The following PHACTR3 variants were observed in gnomAD, a reference collection of about 807,000 sequenced individuals.
PHACTR3 encodes the protein protein phosphatase 1, regulatory subunit 123.
In PHACTR3, 16 loss-of-function variants were observed where a neutral mutation model predicts 66.8. That is an observed-to-expected ratio of 0.24 (90% CI 0.16 to 0.36). The LOEUF (loss-of-function observed/expected upper bound fraction) is 0.36, where lower values mean the gene tolerates loss of function less well. PHACTR3 is among the 10% of genes least tolerant of loss of function. The pLI, the probability that PHACTR3 is intolerant of heterozygous loss-of-function variation, is 1.00. For synonymous variants in PHACTR3, 323 were observed against 292.1 expected (o/e 1.11, Z -1.08); for missense variants, 647 against 719.9 (o/e 0.90, Z 1.16).
At chr20:59,697,967 C>T (rs2037360945) in intron 1 of PHACTR3, among the ~76,000 whole-genome samples, 1 of 152,106 alleles carries the variant, frequency 6.6e-6, no homozygotes, top group South Asian at 2.1e-4. Flanking sequence ...TTGGCAATAT[C>T]AAGTAAAATT....
chr20:59,680,880 G>C (rs2146540736), intron 1 of PHACTR3, among the ~76,000 whole-genome samples: 1 of 152,276 alleles, frequency 6.6e-6, no homozygotes, highest in East Asian at 1.9e-4. Context: ...ATCTCTGGGT[G>C]GGCCACTCCC....
intron 1 of PHACTR3, among the ~76,000 whole-genome samples, chr20:59,607,971 T>A (rs979192994): frequency 6.6e-6 from 1 of 152,194 alleles, no homozygotes; most frequent in Non-Finnish European, 1.5e-5. Context: ...GTGTGCCAGC[T>A]CTTGGGATGT....
intron 1 of PHACTR3, among the ~76,000 whole-genome samples, chr20:59,710,317 A>T (rs879259434): frequency 2.6e-5 from 4 of 152,176 alleles, no homozygotes; most frequent in Non-Finnish European, 4.4e-5. Flanking sequence ...CCAGGCTCTA[A>T]GCAGACCTCA....
intron 1 of PHACTR3, among the ~76,000 whole-genome samples, chr20:59,702,364 G>C (rs564428066): frequency 1.3e-5 from 2 of 152,192 alleles, no homozygotes; most frequent in South Asian, 4.2e-4. Flanking sequence ...GTTGGATCCT[G>C]CACCTTCATC....
chr20:59,737,552 G>GTGTC (rs1281701136), intron 1 of PHACTR3, among the ~76,000 whole-genome samples: 1 of 151,930 alleles, frequency 6.6e-6, no homozygotes, highest in Admixed American at 6.6e-5. Flanking sequence ...GTGCATGTGT[G>GTGTC]TGTCTCTGTG....
chr20:59,577,592 C>G (rs1487231038), exon 1 of PHACTR3: 1 of 1,208,436 alleles, frequency 8.3e-7, no homozygotes, highest in Non-Finnish European at 1.0e-6. Flanking sequence ...GGGACGCTGC[C>G]GCCGCCGCCC....
rs879768253 is a variant in PHACTR3, at chr20:59,830,179, G to GAGTGT, written c.1329-6326_1329-6325insAGTGT. ...GTGCGTGTCTGGTGGAAGAGGGTGTGCGTGTCTGATGGAAGAGGGTATGAG... is the reference window on the plus strand; with the variant it reads ...GTGCGTGTCTGGTGGAAGAGGGTGTGAGTGTCGTGTCTGATGGAAGAGGGTATGAG... On this transcript the variant is annotated intron_variant, in intron 8 of 12. Transcript: ENST00000371015. The surrounding 1 kb of genome is among the most constrained non-coding windows in gnomAD (Gnocchi z 5.8). Among the ~76,000 whole-genome samples, 6,757 of 147,356 alleles carry GAGTGT rather than the reference G, an allele frequency of 0.046. 463 individuals are homozygous for GAGTGT. Among genetic ancestry groups the GAGTGT allele is most frequent in the African/African-American group, 0.13 (4,875 of 38,600 alleles).
intron 1 of PHACTR3, among the ~76,000 whole-genome samples, chr20:59,718,929 C>T (rs1050059677): frequency 6.6e-6 from 1 of 152,242 alleles, no homozygotes; most frequent in African/African-American, 2.4e-5. Flanking sequence ...CGTCTCTGCT[C>T]CTCCAAGTGG....
intron 2 of PHACTR3, 21 bp from the exon 3 acceptor site, chr20:59,747,737 G>C: frequency 6.2e-7 from 1 of 1,612,664 alleles, no homozygotes; most frequent in Non-Finnish European, 8.5e-7. Flanking sequence ...AGACTCACCT[G>C]TGTGTTTGTG....
chr20:59,697,250 C>T (rs1009197506), intron 1 of PHACTR3, among the ~76,000 whole-genome samples: 3 of 152,224 alleles, frequency 2.0e-5, no homozygotes, highest in African/African-American at 7.2e-5. Context: ...AGGCATGTGC[C>T]TGTCTCAGGG....
intron 12 of PHACTR3, among the ~76,000 whole-genome samples, chr20:59,845,782 G>A (rs2059136920): frequency 6.6e-6 from 1 of 152,120 alleles, no homozygotes; most frequent in Non-Finnish European, 1.5e-5. Flanking sequence ...TATGATAAAG[G>A]AGGCTCCCAT....
chr20:59,594,331 G>A (rs1212658442), intron 1 of PHACTR3, among the ~76,000 whole-genome samples: 14 of 131,862 alleles, frequency 1.1e-4, no homozygotes, highest in Non-Finnish European at 2.4e-4. Flanking sequence ...GAGGCTTTTT[G>A]GTCGAGTTTT....
chr20:59,741,665 A>G (rs1261341046), intron 1 of PHACTR3, among the ~76,000 whole-genome samples: 1 of 151,962 alleles, frequency 6.6e-6, no homozygotes, highest in Non-Finnish European at 1.5e-5. Flanking sequence ...ACTAAGGGAC[A>G]CACGGCTTGT....
rs193063182 is a variant in PHACTR3 at position 59,829,246 on chromosome 20, C to G, written c.1329-7259C>G. Among the ~76,000 whole-genome samples, 12 of 152,274 alleles carry G rather than the reference C, an allele frequency of 7.9e-5. No homozygotes were observed. The East Asian group carries it at 2.3e-3, about 30-fold the overall frequency. On this transcript the variant is annotated intron_variant, in intron 8 of 12. Transcript: ENST00000371015. This position sits in a 1 kb window ranked among gnomAD's most constrained non-coding sequence, Gnocchi z 4.2. ...ATGGGGCTTGCCCCAGGCATGTGGA[C>G]CAGCAGCCAGCACCTCTCAGCTGAG... is the stretch of plus-strand genomic sequence containing the variant.
Position 59,749,067 on chromosome 20 carries a change from C to T in PHACTR3, c.358+1232C>T, listed in dbSNP as rs16983089. 5.5e-3 allele frequency among the ~76,000 whole-genome samples: 839 copies of T among 152,168 alleles called. 9 individuals carry two copies. The highest frequency in any genetic ancestry group is 0.019 in the African/African-American group (793 of 41,502). ...TAGTGATAATAAAACCTTACATGTG[C>T]GAGGAAAGCTTGGTGTCAAGTCCCG... is the stretch of plus-strand genomic sequence containing the variant. On this transcript the variant is annotated intron_variant, in intron 3 of 12. Transcript: ENST00000371015.
chr20:59,658,240 T>C (rs2035689207), intron 1 of PHACTR3, among the ~76,000 whole-genome samples: 1 of 152,174 alleles, frequency 6.6e-6, no homozygotes, highest in Non-Finnish European at 1.5e-5. Flanking sequence ...TACATATTTA[T>C]AATATTTTGG....
chr20:59,807,416 C>T (rs1192158746), intron 8 of PHACTR3, among the ~76,000 whole-genome samples: 1 of 152,240 alleles, frequency 6.6e-6, no homozygotes, highest in African/African-American at 2.4e-5. Context: ...GGGGCAGTAA[C>T]ATGCGTAGAG....
intron 1 of PHACTR3, among the ~76,000 whole-genome samples, chr20:59,705,979 T>C (rs987893126): frequency 3.9e-5 from 6 of 152,166 alleles, no homozygotes; most frequent in African/African-American, 1.4e-4. Flanking sequence ...AGGCCAGAGC[T>C]GAAGTGAGCA....
chr20:59,681,586 C>T (rs1453569834), intron 1 of PHACTR3, among the ~76,000 whole-genome samples: 3 of 152,208 alleles, frequency 2.0e-5, no homozygotes, highest in Admixed American at 1.3e-4. Flanking sequence ...AAGAGCCAAA[C>T]AGATATCTCA....
Sources: gnomAD v4.1 joint callset for allele counts (sites outside exome capture counted in the v4.1 genomes callset) on GRCh38, gnomAD v4.1.1 for gene constraint, Gnocchi (gnomAD v3.1) non-coding constraint, MANE v1.5 for transcripts, NCBI Gene and HGNC (gene_info 2026-07-23, HGNC 2026-07-21) for gene names.